SLC33A2: variants seen among roughly 807,000 people sequenced by gnomAD.
SLC33A2 encodes solute carrier family 33 member 2.
chr8:144,510,880 C>T, the SLC33A2 span: 4 of 1,607,698 alleles, frequency 2.5e-6, no homozygotes, highest in African/African-American at 2.7e-5. Flanking sequence ...GCGCTGCAGC[C>T]AGCTGGCCCC....
chr8:144,509,614 A>T, the SLC33A2 span: 1 of 1,555,800 alleles, frequency 6.4e-7, no homozygotes, highest in South Asian at 1.2e-5. Context: ...GGAGCTGGCC[A>T]GGCCGGGCTG....
chr8:144,510,446 G>A, the SLC33A2 span: 2 of 1,612,892 alleles, frequency 1.2e-6, no homozygotes, highest in East Asian at 2.2e-5. Flanking sequence ...GAATGGTGTG[G>A]GTGCTGTGGT....
At chr8:144,509,608 C>T in the SLC33A2 span, 1 of 1,551,552 alleles carries the variant, frequency 6.4e-7, no homozygotes, top group Non-Finnish European at 8.7e-7. Flanking sequence ...CCTCCTGGAG[C>T]TGGCCAGGCC....
chr8:144,510,900 G>C, the SLC33A2 span: 1 of 1,605,028 alleles, frequency 6.2e-7, no homozygotes, highest in Non-Finnish European at 8.5e-7. Flanking sequence ...CCAGGGCCCT[G>C]CAGGTGAGTA....
the SLC33A2 span, chr8:144,510,539 A>G: frequency 6.2e-7 from 1 of 1,610,946 alleles, no homozygotes; most frequent in African/African-American, 1.3e-5. Context: ...CTGCCCACCC[A>G]CTTGTACCTG....
the SLC33A2 span, chr8:144,509,301 G>T: frequency 7.0e-7 from 1 of 1,426,594 alleles, no homozygotes; most frequent in Non-Finnish European, 9.1e-7. Context: ...CCTGGAACCC[G>T]ACCTCCCAGC....
At chr8:144,509,452 T>C in the SLC33A2 span, 4 of 1,534,684 alleles carry the variant, frequency 2.6e-6, no homozygotes, top group Non-Finnish European at 3.5e-6. Flanking sequence ...CTGACGCGCG[T>C]GGGGCTGGCC....
the SLC33A2 span, chr8:144,509,284 G>A: frequency 4.9e-6 from 7 of 1,419,894 alleles, no homozygotes; most frequent in South Asian, 7.6e-5. Context: ...CGCCTTGCGG[G>A]ACCCCACCTG....
chr8:144,510,981 C>T, the SLC33A2 span: 22 of 1,599,666 alleles, frequency 1.4e-5, 1 homozygote, highest in South Asian at 2.3e-4. Context: ...GTGACCCCCA[C>T]CCCCCTCAGG....
At chr8:144,511,149 C>T in the SLC33A2 span, 2 of 1,610,158 alleles carry the variant, frequency 1.2e-6, no homozygotes, top group African/African-American at 1.3e-5. Flanking sequence ...ACCTAGCACC[C>T]AGCACCTTTC....
chr8:144,509,264 G>A, the SLC33A2 span: 1 of 1,398,524 alleles, frequency 7.2e-7, no homozygotes, highest in Non-Finnish European at 9.3e-7. Context: ...ACCCCACGCG[G>A]AGGGGACCTC....
the SLC33A2 span, chr8:144,510,763 C>A: frequency 1.3e-5 from 21 of 1,609,384 alleles, no homozygotes; most frequent in Admixed American, 3.3e-5. Flanking sequence ...GGGCCAGGAG[C>A]CTGGGGCACT....
chr8:144,509,249 C>T, the SLC33A2 span: 1 of 1,352,944 alleles, frequency 7.4e-7, no homozygotes, highest in South Asian at 1.6e-5. Flanking sequence ...GGGGTGTGGC[C>T]TCTGACCCCA....
the SLC33A2 span, chr8:144,510,547 C>T: frequency 1.9e-6 from 3 of 1,611,406 alleles, no homozygotes; most frequent in Admixed American, 5.0e-5. Flanking sequence ...CCACTTGTAC[C>T]TGAGCTGCCC....
chr8:144,509,556 G>C, the SLC33A2 span: 1 of 1,518,080 alleles, frequency 6.6e-7, no homozygotes, highest in Non-Finnish European at 8.8e-7. Context: ...GCGCAGCACG[G>C]CGGGCCTGGG....
At chr8:144,510,959 C>G in the SLC33A2 span, 13 of 1,599,472 alleles carry the variant, frequency 8.1e-6, no homozygotes, top group South Asian at 1.3e-4. Context: ...CTGTGTGGGC[C>G]TGACCTTGAC....
the SLC33A2 span, chr8:144,509,199 C>A: frequency 3.3e-6 from 3 of 898,890 alleles, no homozygotes; most frequent in Non-Finnish European, 4.8e-6. Context: ...CTAGCCTGTA[C>A]GACGCTGACT....
At chr8:144,509,389 A>G in the SLC33A2 span, 7 of 1,524,688 alleles carry the variant, frequency 4.6e-6, no homozygotes, top group Non-Finnish European at 5.2e-6. Context: ...GGCCTGCCCT[A>G]CGGGCTCCAG....
At chr8:144,509,822 G>A in the SLC33A2 span, 4 of 1,539,488 alleles carry the variant, frequency 2.6e-6, no homozygotes, top group Non-Finnish European at 3.5e-6. Flanking sequence ...CCTTCTCGTG[G>A]CCGCAACTCT....
Sources: gnomAD v4.1 joint callset for allele counts on GRCh38, gnomAD v4.1.1 for gene constraint, MANE v1.5 for transcripts, NCBI Gene and HGNC (gene_info 2026-07-23, HGNC 2026-07-21) for gene names.